The following ORC5 variants were observed in gnomAD, a reference collection of about 807,000 sequenced individuals.
The protein encoded by ORC5 is protein phosphatase 1, regulatory subunit 117.
Under a neutral mutation model 58.8 loss-of-function variants are expected in ORC5, and 39 were observed. The observed-to-expected ratio is 0.66, with a 90% confidence interval of 0.51 to 0.87. The LOEUF (loss-of-function observed/expected upper bound fraction) is 0.87. ORC5 is among the 40% of genes least tolerant of loss of function. The pLI is 0.00. For synonymous variants in ORC5, 218 were observed against 177.6 expected (o/e 1.23, Z -1.81); for missense variants, 493 against 506.3 (o/e 0.97, Z 0.25).
intron 2 of ORC5, among the ~76,000 whole-genome samples, chr7:104,203,852 A>T (rs1468859951): frequency 6.6e-6 from 1 of 152,236 alleles, no homozygotes; most frequent in Non-Finnish European, 1.5e-5. Flanking sequence ...TCCTAGCAGC[A>T]ATGGCTAGGA....
intron 6 of ORC5, 167 bp from the exon 7 acceptor site, chr7:104,184,338 C>T (rs937497437): frequency 2.0e-5 from 12 of 585,860 alleles, no homozygotes. Flanking sequence ...ATCCCAGCTA[C>T]TCAGGAGGCT....
In ORC5 at chr7:104,184,066, A is replaced by G. The variant is rs200692562; in HGVS notation, c.734-33T>C. 6,512 of 1,594,722 alleles carry G rather than the reference A, an allele frequency of 4.1e-3. 22 individuals carry two copies. The highest frequency in any genetic ancestry group is 4.9e-3 in the South Asian group (433 of 88,446). ...AAAGGGAAGAAAATTTCAGTAATTT[A>G]TATCTTGTAAAAACCTTTCTCAAAA... On this transcript the variant is annotated intron_variant, in intron 7 of 13. Coordinates refer to ENST00000297431, the MANE Select transcript of ORC5 (RefSeq NM_002553.4).
At chr7:104,149,934 G>A (rs923183245) in intron 12 of ORC5, among the ~76,000 whole-genome samples, 1 of 152,132 alleles carries the variant, frequency 6.6e-6, no homozygotes, top group East Asian at 1.9e-4. Context: ...CCTAAATGGG[G>A]TTATACAATA....
chr7:104,163,933 T>C (rs56950973), intron 11 of ORC5, among the ~76,000 whole-genome samples: 22,822 of 152,250 alleles, frequency 0.15, 2,011 homozygotes, highest in East Asian at 0.23. Flanking sequence ...CTTGAAATCA[T>C]AGAATTTTTT....
At chr7:104,193,710 G>A (rs1197346046) in intron 5 of ORC5, among the ~76,000 whole-genome samples, 2 of 103,762 alleles carry the variant, frequency 1.9e-5, no homozygotes, top group African/African-American at 7.3e-5. Flanking sequence ...TGACTACAGT[G>A]TTTTTGCTTA....
chr7:104,144,044 A>AG (rs1798716163), intron 12 of ORC5, among the ~76,000 whole-genome samples: 1 of 152,018 alleles, frequency 6.6e-6, no homozygotes, highest in South Asian at 2.1e-4. Context: ...GCTTGAACCC[A>AG]GGGGGTGGAG....
chr7:104,193,631 C>A (rs80166497), intron 5 of ORC5, among the ~76,000 whole-genome samples: 1 of 151,948 alleles, frequency 6.6e-6, no homozygotes, highest in South Asian at 2.1e-4. Flanking sequence ...AATCTCTTTG[C>A]CCTGGTTCCA....
At chr7:104,156,045 A>G (rs1047073388) in intron 12 of ORC5, among the ~76,000 whole-genome samples, 11 of 151,854 alleles carry the variant, frequency 7.2e-5, no homozygotes, top group Admixed American at 3.9e-4. Context: ...CATTTACTGC[A>G]TGTATTCCAT....
At chr7:104,173,990 G>A (rs1439790254) in intron 8 of ORC5, among the ~76,000 whole-genome samples, 2 of 149,898 alleles carry the variant, frequency 1.3e-5, no homozygotes, top group Admixed American at 6.6e-5. Flanking sequence ...GACTACAGGC[G>A]CCCGCCACTA....
intron 10 of ORC5, 159 bp from the exon 11 acceptor site, chr7:104,165,441 A>G: frequency 2.1e-6 from 1 of 485,436 alleles, no homozygotes; most frequent in Non-Finnish European, 3.6e-6. Context: ...ATTAGACTTC[A>G]ACATATTTTA....
At chr7:104,194,383 G>A (rs1318259884) in intron 5 of ORC5, among the ~76,000 whole-genome samples, 1 of 152,002 alleles carries the variant, frequency 6.6e-6, no homozygotes, top group African/African-American at 2.4e-5. Context: ...TTTTTTTATA[G>A]ACTGCTAACC....
At chr7:104,170,421 G>A (rs1009980161) in intron 8 of ORC5, among the ~76,000 whole-genome samples, 1 of 152,158 alleles carries the variant, frequency 6.6e-6, no homozygotes, top group African/African-American at 2.4e-5. Context: ...AATAGAGTCA[G>A]AAGGATCCTT....
Position 104,126,394 on chromosome 7 carries a change from A to C in ORC5, c.*454T>G, listed in dbSNP as rs1009168488. 6.5e-6 allele frequency: 1 copy of C among 154,274 alleles called. No individual in the cohort carries two copies. Among genetic ancestry groups the C allele is most frequent in the African/African-American group, 2.4e-5 (1 of 41,554 alleles). 9.6% of individuals were successfully genotyped at this position (154,274 alleles called of 1,614,324 possible). ...TATATTTTGCAACTATGATCTTTTA[A>C]AACAGTGGCCTTAGGAAAATCTGCT... On this transcript the variant is annotated 3_prime_UTR_variant, in exon 14 of 14. Transcript: ENST00000297431.
intron 13 of ORC5, among the ~76,000 whole-genome samples, chr7:104,130,567 G>GTCA (rs886674837): frequency 6.6e-6 from 1 of 152,130 alleles, no homozygotes; most frequent in Non-Finnish European, 1.5e-5. Flanking sequence ...CCATCCCTTA[G>GTCA]TCACTGAGTA....
intron 12 of ORC5, among the ~76,000 whole-genome samples, chr7:104,154,623 T>C (rs1798894881): frequency 6.6e-6 from 1 of 151,890 alleles, no homozygotes; most frequent in Non-Finnish European, 1.5e-5. Context: ...GCCTGAAACA[T>C]AGTAGACACT....
At chr7:104,184,481 T>C (rs1352926150) in intron 6 of ORC5, 1 of 263,924 alleles carries the variant, frequency 3.8e-6, no homozygotes, top group Non-Finnish European at 7.1e-6. Flanking sequence ...AATGTAATTG[T>C]AGCTTATTAC....
At position 104,134,205 on chromosome 7, in the gene ORC5, T is replaced by C. The variant is rs186045850; in HGVS notation, c.1262+2576A>G. 2.6e-5 allele frequency among the ~76,000 whole-genome samples: 4 copies of C among 151,904 alleles called. No homozygotes were observed. In the East Asian group the frequency reaches 7.8e-4, roughly 29 times the overall value. ...GGGAGGCCGATGCAGGCAGATCAAC[T>C]TGAGGTCAGGAGTTCAAGACCAGCC... On this transcript the variant is annotated intron_variant, in intron 13 of 13. Coordinates refer to ENST00000297431, the MANE Select transcript of ORC5 (RefSeq NM_002553.4).
chr7:104,187,732 T>A (rs1799579838), intron 6 of ORC5: 3 of 950,208 alleles, frequency 3.2e-6, no homozygotes, highest in Admixed American at 6.2e-5. Flanking sequence ...AAAAAAAAAA[T>A]TAAAAAGAAC....
At chr7:104,207,542 C>G (rs1467600916) in intron 1 of ORC5, among the ~76,000 whole-genome samples, 1 of 152,170 alleles carries the variant, frequency 6.6e-6, no homozygotes, top group African/African-American at 2.4e-5. Context: ...GGTAAGATAA[C>G]AAGCAACTTC....
Sources: allele counts gnomAD v4.1 joint callset (sites outside exome capture counted in the v4.1 genomes callset), GRCh38; gene constraint gnomAD v4.1.1; transcripts MANE v1.5; gene names NCBI Gene and HGNC (gene_info 2026-07-23, HGNC 2026-07-21).